Variants in CACNA1D observed in about 807,000 individuals in gnomAD.
CACNA1D encodes the protein calcium voltage-gated channel subunit alpha1 D.
CACNA1D carries 55 observed loss-of-function variants against 257.1 expected under a neutral mutation model. That is an observed-to-expected ratio of 0.21 (90% CI 0.17 to 0.27). The LOEUF (loss-of-function observed/expected upper bound fraction) is 0.27. Among genes scored for constraint, CACNA1D ranks in the 10% least tolerant of loss-of-function variants. The pLI, the probability that CACNA1D is intolerant of heterozygous loss-of-function variation, is 1.00. For missense variants in CACNA1D, 1,876 were observed against 2,784.0 expected (o/e 0.67, Z 7.34); for synonymous variants, 980 against 1,014.9 (o/e 0.97, Z 0.65).
Position 53,800,124 on chromosome 3 carries a change from C to T in CACNA1D, c.4924-125C>T, listed in dbSNP as rs2095528802. The T allele has an allele frequency of 1.3e-6, 1 of 783,462 alleles. No homozygotes were observed. Among genetic ancestry groups the T allele is most frequent in the South Asian group, 1.4e-5 (1 of 73,438 alleles). 48.5% of individuals were successfully genotyped at this position (783,462 alleles called of 1,614,324 possible). ...TGCCTTCAGTGACATCAGTCAGTGCCCTGGATTGGCTTTTGGGGAAGCCTT... is the reference window on the plus strand; with the variant it reads ...TGCCTTCAGTGACATCAGTCAGTGCTCTGGATTGGCTTTTGGGGAAGCCTT... On this transcript the variant is annotated intron_variant, in intron 40 of 47. Coordinates refer to ENST00000350061, the MANE Select transcript of CACNA1D (RefSeq NM_001128840.3). This position sits in a 1 kb window ranked among gnomAD's most constrained non-coding sequence, Gnocchi z 4.3.
At chr3:53,614,592 A>C (rs1294448629) in intron 3 of CACNA1D, among the ~76,000 whole-genome samples, 1 of 152,212 alleles carries the variant, frequency 6.6e-6, no homozygotes, top group Non-Finnish European at 1.5e-5. Context: ...AAAGCGTCAC[A>C]CTTTGCCAGT....
chr3:53,787,425 C>CTGTGTG (rs3217446), intron 40 of CACNA1D, among the ~76,000 whole-genome samples: 6,041 of 136,142 alleles, frequency 0.044, 266 homozygotes, highest in African/African-American at 0.11. Context: ...AGTATGTATT[C>CTGTGTG]TGTGTGTGTG....
At chr3:53,607,829 ATAAAT>A (rs1270161498) in intron 3 of CACNA1D, among the ~76,000 whole-genome samples, 1 of 152,202 alleles carries the variant, frequency 6.6e-6, no homozygotes, top group Non-Finnish European at 1.5e-5. Context: ...CCTTTGTGAA[ATAAAT>A]TATGTATGTG....
At chr3:53,719,544 C>T (rs1191433170) in intron 10 of CACNA1D, among the ~76,000 whole-genome samples, 1 of 152,188 alleles carries the variant, frequency 6.6e-6, no homozygotes, top group African/African-American at 2.4e-5. Context: ...TCTTCCCTGA[C>T]CTGGGCCTCG....
At chr3:53,745,937 A>T (rs377541140) in intron 25 of CACNA1D, 62 bp downstream of exon 25, 21 of 1,313,450 alleles carry the variant, frequency 1.6e-5, no homozygotes, top group Non-Finnish European at 2.3e-5. Context: ...TCAAGGATTC[A>T]CACATGTTGG....
intron 3 of CACNA1D, among the ~76,000 whole-genome samples, chr3:53,634,524 G>A (rs2108143693): frequency 6.6e-6 from 1 of 152,292 alleles, no homozygotes; most frequent in East Asian, 1.9e-4. Context: ...GTGTGTGCTT[G>A]CTAGTATGTC....
At chr3:53,805,349 G>C (rs2095557026) in intron 45 of CACNA1D, 2 of 601,710 alleles carry the variant, frequency 3.3e-6, no homozygotes, top group Non-Finnish European at 5.9e-6. Context: ...AGCCTCTTCA[G>C]TGCTATGCTT....
intron 3 of CACNA1D, among the ~76,000 whole-genome samples, chr3:53,589,757 G>T (rs1274369389): frequency 6.6e-6 from 1 of 152,162 alleles, no homozygotes. Context: ...TTACAGGCAT[G>T]TGCCATTGTG....
At chr3:53,767,067 G>A (rs1039565837) in intron 30 of CACNA1D, among the ~76,000 whole-genome samples, 7 of 152,066 alleles carry the variant, frequency 4.6e-5, no homozygotes, top group Admixed American at 2.0e-4. Flanking sequence ...CTGTTCCCTC[G>A]TCAACCCAGA....
At chr3:53,737,118 G>T (rs1159571851) in intron 20 of CACNA1D, among the ~76,000 whole-genome samples, 4 of 151,978 alleles carry the variant, frequency 2.6e-5, no homozygotes, top group African/African-American at 7.3e-5. Context: ...GGCCAACATG[G>T]TGGAACCCCG....
intron 9 of CACNA1D, among the ~76,000 whole-genome samples, chr3:53,714,036 C>T (rs567926422): frequency 4.7e-4 from 72 of 152,334 alleles, no homozygotes; most frequent in African/African-American, 1.7e-3. Context: ...ATTGCAGTGC[C>T]AGCATCCTCT....
At chr3:53,549,734 A>T (rs1227411965) in intron 3 of CACNA1D, among the ~76,000 whole-genome samples, 3 of 152,122 alleles carry the variant, frequency 2.0e-5, no homozygotes, top group Admixed American at 6.5e-5. Flanking sequence ...AACAATTAAA[A>T]TTTTTTTCCT....
intron 30 of CACNA1D, among the ~76,000 whole-genome samples, chr3:53,764,284 A>G (rs960540432): frequency 5.3e-5 from 8 of 152,208 alleles, no homozygotes; most frequent in Non-Finnish European, 1.0e-4. Flanking sequence ...CTCTCTCCGA[A>G]GTTTATGGCT....
At chr3:53,652,137 G>C (rs1315346533) in intron 4 of CACNA1D, among the ~76,000 whole-genome samples, 4 of 152,200 alleles carry the variant, frequency 2.6e-5, no homozygotes, top group Non-Finnish European at 4.4e-5. Context: ...ACTCTGTCGA[G>C]GAATGGCAAG....
chr3:53,526,322 A>G (rs1018594170), intron 3 of CACNA1D, among the ~76,000 whole-genome samples: 4 of 151,766 alleles, frequency 2.6e-5, no homozygotes, highest in African/African-American at 7.2e-5. Flanking sequence ...GTAGGCTTGA[A>G]CTCTGGCCTG....
intron 2 of CACNA1D, among the ~76,000 whole-genome samples, chr3:53,497,769 TA>T (rs2090414973): frequency 6.6e-6 from 1 of 152,120 alleles, no homozygotes. Flanking sequence ...TATTGGACAT[TA>T]GATGGTTAGT....
Position 53,811,104 on chromosome 3 carries a change from T to G in CACNA1D, c.6193-9T>G. The G allele has an allele frequency of 6.2e-7, 1 of 1,613,036 alleles. No homozygotes were observed. Among genetic ancestry groups the G allele is most frequent in the Non-Finnish European group, 8.5e-7 (1 of 1,179,156 alleles). On this transcript the variant is annotated splice_polypyrimidine_tract_variant and intron_variant, in intron 47 of 47. Coordinates refer to ENST00000350061, the MANE Select transcript of CACNA1D (RefSeq NM_001128840.3). This position sits in a 1 kb window ranked among gnomAD's most constrained non-coding sequence, Gnocchi z 4.2. Reference sequence around the variant, plus strand: ...ACCCCCATGCCATCCATCCCTCTTTTCTGTACAGGTCCTGATATCCGAAGG... The same window carrying G: ...ACCCCCATGCCATCCATCCCTCTTTGCTGTACAGGTCCTGATATCCGAAGG...
At chr3:53,538,449 G>A (rs527704461) in intron 3 of CACNA1D, among the ~76,000 whole-genome samples, 4 of 152,218 alleles carry the variant, frequency 2.6e-5, no homozygotes, top group Admixed American at 1.3e-4. Flanking sequence ...GAGCCACAGC[G>A]CCTGGCCTGT....
chr3:53,636,796 A>C (rs551180155), intron 3 of CACNA1D, among the ~76,000 whole-genome samples: 1 of 152,200 alleles, frequency 6.6e-6, no homozygotes. Flanking sequence ...ATGTTATTCT[A>C]CTTCCTATAA....
Sources: gnomAD v4.1 joint callset for allele counts (sites outside exome capture counted in the v4.1 genomes callset) on GRCh38, gnomAD v4.1.1 for gene constraint, Gnocchi (gnomAD v3.1) non-coding constraint, MANE v1.5 for transcripts, NCBI Gene and HGNC (gene_info 2026-07-23, HGNC 2026-07-21) for gene names.